DOCK1: variants seen among roughly 807,000 people sequenced by gnomAD.
The protein encoded by DOCK1 is dedicator of cytokinesis 1.
A neutral mutation model predicts 262.7 loss-of-function variants in DOCK1; 138 were observed. The ratio of observed to expected loss-of-function variants is 0.53; its 90% CI spans 0.46 to 0.61. The LOEUF (loss-of-function observed/expected upper bound fraction) is 0.61, where lower values mean the gene tolerates loss of function less well. Among genes scored for constraint, DOCK1 ranks in the 20% least tolerant of loss-of-function variants. DOCK1 has a pLI of 0.00. For synonymous variants in DOCK1, 866 were observed against 867.4 expected, an observed-to-expected ratio of 1.00 and a Z score of 0.03; for missense variants, 1,908 against 2,370.7, an observed-to-expected ratio of 0.80 and a Z score of 4.05.
At chr10:127,418,909 C>T (rs565265600) in intron 45 of DOCK1, among the ~76,000 whole-genome samples, 6 of 152,314 alleles carry the variant, frequency 3.9e-5, no homozygotes, top group Admixed American at 1.3e-4. Flanking sequence ...AGCGCTTTGA[C>T]GGTGGAGGGG....
chr10:127,052,841 G>A (rs1469764094), intron 22 of DOCK1, 26 bp downstream of exon 22: 1 of 1,592,268 alleles, frequency 6.3e-7, no homozygotes, highest in Admixed American at 1.8e-5. Context: ...CTCCATGCCC[G>A]GGCTCTCAGA....
chr10:127,135,841 C>A (rs1360430586), intron 27 of DOCK1: 1 of 152,422 alleles, frequency 6.6e-6, no homozygotes, highest in Non-Finnish European at 1.5e-5. Context: ...CTGCTAATAC[C>A]CTTATTTCAA....
At chr10:127,250,985 A>G (rs933170485) in intron 28 of DOCK1, among the ~76,000 whole-genome samples, 2 of 151,726 alleles carry the variant, frequency 1.3e-5, no homozygotes, top group African/African-American at 4.8e-5. Flanking sequence ...TTTTTGAGAC[A>G]GAGTTTCACT....
chr10:127,284,175 G>A (rs1003002183), intron 29 of DOCK1, among the ~76,000 whole-genome samples: 1 of 152,066 alleles, frequency 6.6e-6, no homozygotes, highest in South Asian at 2.1e-4. Flanking sequence ...TTTTTCTTGA[G>A]AACTGTCTTA....
At chr10:127,070,445 G>A (rs1048422985) in intron 23 of DOCK1, among the ~76,000 whole-genome samples, 1 of 151,648 alleles carries the variant, frequency 6.6e-6, no homozygotes, top group Non-Finnish European at 1.5e-5. Flanking sequence ...GTAGAGACAG[G>A]GTTTCACCAC....
chr10:127,343,587 GT>G, intron 30 of DOCK1, 58 bp from the exon 31 acceptor site: 1 of 1,316,570 alleles, frequency 7.6e-7, no homozygotes, highest in Non-Finnish European at 1.1e-6. Context: ...TGAGAGCATT[GT>G]TGAGATCCTA....
At chr10:127,054,781 A>G (rs1207984207) in intron 22 of DOCK1, among the ~76,000 whole-genome samples, 6 of 152,152 alleles carry the variant, frequency 3.9e-5, no homozygotes. Context: ...GCAGTTTGTG[A>G]TCAATATGAC....
At chr10:127,240,601 G>A (rs1306324450) in intron 27 of DOCK1, among the ~76,000 whole-genome samples, 2 of 152,200 alleles carry the variant, frequency 1.3e-5, no homozygotes, top group East Asian at 1.9e-4. Context: ...AGGGCACAGC[G>A]ATGACTCCTG....
At chr10:127,414,965 G>A (rs188279134) in intron 43 of DOCK1, among the ~76,000 whole-genome samples, 187 bp from the exon 44 acceptor site, 51 of 152,342 alleles carry the variant, frequency 3.3e-4, no homozygotes, top group African/African-American at 1.0e-3. Context: ...CTGAGCGACC[G>A]TTAGGTAGAG....
chr10:127,092,323 C>T (rs1160782975), intron 23 of DOCK1, among the ~76,000 whole-genome samples: 1 of 152,180 alleles, frequency 6.6e-6, no homozygotes, highest in Admixed American at 6.5e-5. Flanking sequence ...GCTCTGTCAT[C>T]GCTCAGCAAG....
intron 27 of DOCK1, among the ~76,000 whole-genome samples, chr10:127,224,458 A>G (rs928099891): frequency 2.0e-5 from 3 of 151,760 alleles, no homozygotes; most frequent in African/African-American, 7.3e-5. Context: ...GCTACTTGGG[A>G]GGCTGAGGGA....
intron 27 of DOCK1, among the ~76,000 whole-genome samples, chr10:127,185,938 A>C (rs1333478302): frequency 6.6e-6 from 1 of 152,176 alleles, no homozygotes; most frequent in African/African-American, 2.4e-5. Context: ...GAATTATCAG[A>C]AGGTTTGTTC....
chr10:127,321,586 G>A (rs919895696), intron 29 of DOCK1, among the ~76,000 whole-genome samples: 1 of 151,804 alleles, frequency 6.6e-6, no homozygotes. Context: ...CCAAGGCTGA[G>A]CACAGGTCCC....
At chr10:127,397,037 C>T (rs1161708623) in intron 38 of DOCK1, among the ~76,000 whole-genome samples, 1 of 133,516 alleles carries the variant, frequency 7.5e-6, no homozygotes, top group Non-Finnish European at 1.6e-5. Flanking sequence ...GTTACACGGG[C>T]GGCGACTCCT....
chr10:127,018,885 G>A, intron 13 of DOCK1, 50 bp downstream of exon 13: 1 of 1,604,136 alleles, frequency 6.2e-7, no homozygotes, highest in Non-Finnish European at 8.5e-7. Flanking sequence ...GGGGTAGCCG[G>A]CCACGGAGGA....
intron 23 of DOCK1, among the ~76,000 whole-genome samples, chr10:127,086,987 C>T (rs905037225): frequency 6.6e-6 from 1 of 152,042 alleles, no homozygotes; most frequent in Non-Finnish European, 1.5e-5. Context: ...CTTATTTAAT[C>T]CAGAGTCACC....
chr10:127,219,192 A>G (rs1047763759), intron 27 of DOCK1, among the ~76,000 whole-genome samples: 1 of 152,202 alleles, frequency 6.6e-6, no homozygotes, highest in African/African-American at 2.4e-5. Flanking sequence ...TAAATGGGTA[A>G]AGAAGAAACC....
intron 12 of DOCK1, among the ~76,000 whole-genome samples, chr10:127,016,993 A>G (rs2041975125): frequency 1.2e-5 from 1 of 83,954 alleles, no homozygotes; most frequent in South Asian, 4.2e-4. Context: ...ACACACACAG[A>G]TACAGACACC....
intron 21 of DOCK1, among the ~76,000 whole-genome samples, chr10:127,047,164 G>A (rs1314731634): frequency 5.4e-5 from 8 of 147,470 alleles, no homozygotes; most frequent in African/African-American, 1.8e-4. Context: ...CTTTTATTAT[G>A]TGTAAGCTAT....
Sources: gnomAD v4.1 joint callset for allele counts (sites outside exome capture counted in the v4.1 genomes callset) on GRCh38, gnomAD v4.1.1 for gene constraint, MANE v1.5 for transcripts, NCBI Gene and HGNC (gene_info 2026-07-23, HGNC 2026-07-21) for gene names.